Variants in SLC25A32 observed in about 807,000 individuals in gnomAD.
SLC25A32 encodes the protein Glycine auxotroph B, complementation of hamster.
SLC25A32 carries 32 observed loss-of-function variants against 39.0 expected under a neutral mutation model. The observed-to-expected ratio is 0.82, with a 90% CI of 0.62 to 1.10. SLC25A32 has a LOEUF of 1.10. SLC25A32 is among the 50% of genes least tolerant of loss of function. SLC25A32 has a pLI of 0.00. For missense variants in SLC25A32, 367 were observed against 395.3 expected (o/e 0.93, Z 0.61); for synonymous variants, 166 against 152.4 (o/e 1.09, Z -0.66).
At chr8:103,404,628 A>G (rs1267859720) in intron 3 of SLC25A32, 148 bp downstream of exon 3, 2 of 570,512 alleles carry the variant, frequency 3.5e-6, no homozygotes, top group African/African-American at 3.9e-5. Flanking sequence ...AAAACAAACA[A>G]ACAAAAAAAA....
intron 2 of SLC25A32, among the ~76,000 whole-genome samples, chr8:103,406,159 G>T (rs952904680): frequency 2.0e-5 from 3 of 149,380 alleles, no homozygotes; most frequent in African/African-American, 4.9e-5. Context: ...TGTCAAGGGG[G>T]GTGTGTGTGT....
At position 103,401,651 on chromosome 8, in the gene SLC25A32, T is replaced by C. The variant is rs1243887212; in HGVS notation, c.677A>G (p.Glu226Gly). The change falls in exon 6 of 7, where the codon GAA (glutamate) becomes GGA (glycine). Residue 226 changes from glutamate (E) to glycine (G), a missense_variant. By Grantham distance (98) the Glu-to-Gly change is moderately conservative (BLOSUM62 -2). Transcript: ENST00000297578. ...GGATAGTGCTGCAACAGATATATAT[T>C]CTACTGTGCTCTAAAATGGCAATAC... ...RLPEAQLSTVEYISVAALSKI... is the reference protein window; with the variant it reads ...RLPEAQLSTVGYISVAALSKI... The C allele has an allele frequency of 2.5e-6, 4 of 1,595,114 alleles. No individual in the cohort carries two copies. The highest frequency in any genetic ancestry group is 3.4e-6 in the Non-Finnish European group (4 of 1,171,752).
chr8:103,406,694 G>A (rs1816339775), intron 2 of SLC25A32, among the ~76,000 whole-genome samples: 1 of 152,194 alleles, frequency 6.6e-6, no homozygotes. Context: ...GCCATGCACT[G>A]GCTTTTGCTT....
At chr8:103,408,339 T>C (rs1365722482) in intron 1 of SLC25A32, among the ~76,000 whole-genome samples, 1 of 152,174 alleles carries the variant, frequency 6.6e-6, no homozygotes, top group African/African-American at 2.4e-5. Context: ...CAAGTGTTTA[T>C]TGAGGGCATA....
intron 1 of SLC25A32, among the ~76,000 whole-genome samples, chr8:103,409,441 T>C (rs1308896834): frequency 6.7e-6 from 1 of 149,222 alleles, no homozygotes; most frequent in Non-Finnish European, 1.5e-5. Flanking sequence ...TATGAATTCT[T>C]TTTTTTTTTG....
In SLC25A32 at chr8:103,409,721, C is replaced by T. The variant is rs555280061; in HGVS notation, c.155-1937G>A. 2.7e-4 allele frequency among the ~76,000 whole-genome samples: 41 copies of T among 152,244 alleles called. 1 individual carries two copies. The highest frequency in any genetic ancestry group is 1.8e-3 in the Admixed American group (27 of 15,286). ...AAGAAGGATCACTATTTACCATTGC[C>T]AGGAAAAGGGGGAAAAGTCAATTTC... On this transcript the variant is annotated intron_variant, in intron 1 of 6. Transcript: ENST00000297578.
intron 2 of SLC25A32, among the ~76,000 whole-genome samples, chr8:103,407,254 T>C (rs1444458096): frequency 2.0e-5 from 3 of 152,262 alleles, no homozygotes; most frequent in African/African-American, 4.8e-5. Flanking sequence ...CTCTTTAATA[T>C]GTATTTAGCT....
chr8:103,402,775 A>T (rs1415394149), intron 4 of SLC25A32: 2 of 152,566 alleles, frequency 1.3e-5, no homozygotes, highest in African/African-American at 2.4e-5. Context: ...TGAGATGAAT[A>T]AAAAAACTCA....
At chr8:103,408,742 C>T (rs914786391) in intron 1 of SLC25A32, among the ~76,000 whole-genome samples, 5 of 152,204 alleles carry the variant, frequency 3.3e-5, no homozygotes, top group Admixed American at 6.5e-5. Flanking sequence ...CAAACGCCAT[C>T]ATCATCTGCA....
At chr8:103,404,496 G>C (rs889594120) in intron 3 of SLC25A32, among the ~76,000 whole-genome samples, 3 of 152,106 alleles carry the variant, frequency 2.0e-5, no homozygotes, top group African/African-American at 4.8e-5. Context: ...TCAGGAGGCT[G>C]AGGCAGGATT....
At position 103,400,316 on chromosome 8, in the gene SLC25A32, GC is replaced by G. The variant is rs1816189885; in HGVS notation, c.*94del. ...GACTATAGAGCAATTTCGAATATGA[GC>G]CATGTTTCTATGCAGAATTCTTCTT... On this transcript the variant is annotated 3_prime_UTR_variant, in exon 7 of 7. Transcript: ENST00000297578. 1.3e-5 allele frequency: 18 copies of G among 1,410,566 alleles called. No homozygotes were observed. The highest frequency in any genetic ancestry group is 1.8e-5 in the Non-Finnish European group (18 of 1,014,964). The allele number at this position is 1,410,566 out of a possible 1,614,324, so 87.4% of individuals were successfully genotyped here.
At chr8:103,409,173 AGAGTATT>A (rs1816404120) in intron 1 of SLC25A32, among the ~76,000 whole-genome samples, 1 of 152,242 alleles carries the variant, frequency 6.6e-6, no homozygotes, top group African/African-American at 2.4e-5. Context: ...TTCTATAAGT[AGAGTATT>A]AAGTATCTCA....
intron 2 of SLC25A32, among the ~76,000 whole-genome samples, chr8:103,406,289 T>G (rs1816331484): frequency 6.6e-6 from 1 of 152,122 alleles, no homozygotes; most frequent in African/African-American, 2.4e-5. Flanking sequence ...GTTTGGATAC[T>G]GCCATAAACT....
intron 4 of SLC25A32, chr8:103,402,708 C>A (rs928634169): frequency 2.0e-5 from 3 of 152,108 alleles, no homozygotes; most frequent in Non-Finnish European, 4.4e-5. Flanking sequence ...TAAAATATTA[C>A]AACAGGCAAA....
intron 2 of SLC25A32, among the ~76,000 whole-genome samples, chr8:103,407,077 T>A (rs185917979): frequency 1.3e-5 from 2 of 152,190 alleles, no homozygotes; most frequent in Non-Finnish European, 2.9e-5. Context: ...ACCGACTGAT[T>A]CAACTTTTTC....
intron 1 of SLC25A32, among the ~76,000 whole-genome samples, chr8:103,414,023 A>T (rs1350192710): frequency 6.6e-6 from 1 of 152,264 alleles, no homozygotes; most frequent in Non-Finnish European, 1.5e-5. Flanking sequence ...GTCTACAAAT[A>T]TTAAGAGAAT....
chr8:103,401,722 T>A, intron 5 of SLC25A32, 61 bp from the exon 6 acceptor site: 2 of 1,392,630 alleles, frequency 1.4e-6, no homozygotes, highest in Non-Finnish European at 2.0e-6. Context: ...AATACAGAAG[T>A]AAAAATTATA....
chr8:103,403,018 A>C, intron 4 of SLC25A32, 146 bp downstream of exon 4: 2 of 520,684 alleles, frequency 3.8e-6, no homozygotes, highest in Non-Finnish European at 6.7e-6. Context: ...CAGTATTATT[A>C]ACTATATTTC....
intron 1 of SLC25A32, 141 bp downstream of exon 1, chr8:103,414,643 T>C: frequency 1.6e-6 from 2 of 1,230,974 alleles, no homozygotes; most frequent in Non-Finnish European, 2.2e-6. Context: ...CACCATTTCC[T>C]CAAATCTAGT....
Sources: gnomAD v4.1 joint callset for allele counts (sites outside exome capture counted in the v4.1 genomes callset) on GRCh38, gnomAD v4.1.1 for gene constraint, MANE v1.5 for transcripts, NCBI Gene and HGNC (gene_info 2026-07-23, HGNC 2026-07-21) for gene names.